Variants in ASB2 observed in about 807,000 individuals in gnomAD.
The protein encoded by ASB2 is ankyrin repeat and SOCS box protein 2.
A neutral mutation model predicts 62.4 loss-of-function variants in ASB2; 58 were observed. That is an observed-to-expected ratio of 0.93 (90% CI 0.75 to 1.16). ASB2 has a LOEUF of 1.16. Among genes scored for constraint, ASB2 ranks in the 50% most tolerant of loss-of-function variants. The pLI is 0.00. For missense variants in ASB2, 928 were observed against 887.9 expected (o/e 1.05, Z -0.57); for synonymous variants, 386 against 385.3 (o/e 1.00, Z -0.02).
At chr14:93,963,580 C>T (rs77406343) in intron 2 of ASB2, among the ~76,000 whole-genome samples, 2,003 of 152,244 alleles carry the variant, frequency 0.013, 44 homozygotes, top group African/African-American at 0.046. Flanking sequence ...GCGCTTGAAA[C>T]GTGGCCAGTC....
chr14:93,956,638 T>A, intron 3 of ASB2, 128 bp downstream of exon 3: 1 of 1,273,724 alleles, frequency 7.9e-7, no homozygotes, highest in South Asian at 1.3e-5. Context: ...AGAAGGAGCG[T>A]GCCTGGCAGG....
intron 3 of ASB2, chr14:93,955,410 G>A (rs917318382): frequency 3.0e-6 from 1 of 330,284 alleles, no homozygotes; most frequent in Non-Finnish European, 6.0e-6. Context: ...ACCCAGCAAG[G>A]ACGATGGGAA....
Position 93,939,504 on chromosome 14 carries a change from G to C in ASB2, c.1221C>G (p.Tyr407Ter), listed in dbSNP as rs1388390108. 9 of 1,608,644 alleles carry C rather than the reference G, an allele frequency of 5.6e-6. No homozygotes were observed. The highest frequency in any genetic ancestry group is 7.6e-6 in the Non-Finnish European group (9 of 1,177,738). Reference sequence around the variant, plus strand: ...ACAGCGCGGAGCTGCGCCGGTCTTCGTAGAGGCGCGCGCGCTCGGGGGCCA... The same window carrying C: ...ACAGCGCGGAGCTGCGCCGGTCTTCCTAGAGGCGCGCGCGCTCGGGGGCCA... ...TPLAPERARL[Y>*]EDRRSSALYF... The change falls in exon 8 of 10, where the codon TAC becomes TAG. Residue 407 changes from tyrosine (Y) to a stop codon, truncating the protein, a stop_gained. Transcript: ENST00000555019. LOFTEE classifies it high-confidence loss of function.
At position 93,939,409 on chromosome 14, in the gene ASB2, C is replaced by T. The variant is rs1888414997; in HGVS notation, c.1316G>A (p.Arg439His). The T allele has an allele frequency of 6.2e-7, 1 of 1,612,856 alleles. No homozygotes were observed. Among genetic ancestry groups the T allele is most frequent in the South Asian group, 1.1e-5 (1 of 91,068 alleles). ...LLLQHGADPN[R>H]DVISPLLVAI... ...CACGAGCAAGGGGCTGATGACGTCG[C>T]GGTTGGGGTCGGCGCCGTGTTGCAG... Residue 439 changes from arginine to histidine, a missense_variant, in exon 8 of 10, where the codon CGC becomes CAC. Arg to His is a conservative substitution (Grantham distance 29). Transcript: ENST00000555019.
chr14:93,934,934 C>G (rs1888220594), intron 9 of ASB2, 142 bp from the exon 10 acceptor site: 10 of 672,320 alleles, frequency 1.5e-5, no homozygotes, highest in Non-Finnish European at 2.4e-5. Flanking sequence ...TCACCCCAGT[C>G]CCTGCCAACT....
At chr14:93,958,326 G>C (rs1010410599) in intron 2 of ASB2, among the ~76,000 whole-genome samples, 5 of 152,200 alleles carry the variant, frequency 3.3e-5, no homozygotes, top group Non-Finnish European at 7.4e-5. Context: ...TGTGAGAGGG[G>C]ACTTAACTGT....
At chr14:93,970,326 C>G (rs1394677482) in intron 1 of ASB2, among the ~76,000 whole-genome samples, 1 of 152,192 alleles carries the variant, frequency 6.6e-6, no homozygotes, top group African/African-American at 2.4e-5. Flanking sequence ...TGAGGCTGCA[C>G]AAGCCACTTA....
rs747725471 is a variant in ASB2 at position 93,939,509 on chromosome 14, G to GGC, written c.1214_1215dup (p.Leu406AlafsTer82). 6.0e-5 allele frequency: 96 copies of GGC among 1,607,956 alleles called. No individual in the cohort carries two copies. The highest frequency in any genetic ancestry group is 7.6e-5 in the Non-Finnish European group (90 of 1,177,456). On this transcript the variant is annotated frameshift_variant, in exon 8 of 10. Coordinates refer to ENST00000555019, the MANE Select transcript of ASB2 (RefSeq NM_001202429.2). LOFTEE classifies it high-confidence loss of function. Reference sequence around the variant, plus strand: ...GCGGAGCTGCGCCGGTCTTCGTAGAGGCGCGCGCGCTCGGGGGCCAGCGGC... The same window carrying GGC: ...GCGGAGCTGCGCCGGTCTTCGTAGAGGCGCGCGCGCGCTCGGGGGCCAGCGGC...
intron 1 of ASB2, among the ~76,000 whole-genome samples, chr14:93,968,732 T>G (rs1163148746): frequency 2.0e-5 from 3 of 152,204 alleles, no homozygotes; most frequent in Non-Finnish European, 4.4e-5. Flanking sequence ...GTCTACTCCT[T>G]GGACTACCTG....
At chr14:93,963,520 C>T (rs922564454) in intron 2 of ASB2, among the ~76,000 whole-genome samples, 2 of 152,192 alleles carry the variant, frequency 1.3e-5, no homozygotes, top group African/African-American at 4.8e-5. Flanking sequence ...GAGGTGTCGT[C>T]TAGATCTGCA....
chr14:93,955,452 G>A, intron 3 of ASB2: 1 of 228,960 alleles, frequency 4.4e-6, no homozygotes, highest in East Asian at 9.9e-5. Flanking sequence ...GTCCCCATCA[G>A]CACCGTCACT....
At chr14:93,975,805 G>A (rs1260944188) in intron 1 of ASB2, among the ~76,000 whole-genome samples, 1 of 152,214 alleles carries the variant, frequency 6.6e-6, no homozygotes, top group Non-Finnish European at 1.5e-5. Context: ...TCCTTTCAAA[G>A]GCCATGGCCT....
chr14:93,934,898 G>T, intron 9 of ASB2, 106 bp from the exon 10 acceptor site: 1 of 921,406 alleles, frequency 1.1e-6, no homozygotes, highest in Non-Finnish European at 1.7e-6. Flanking sequence ...ATGTGGCTGG[G>T]TAAGAGAGGG....
intron 2 of ASB2, 57 bp from the exon 3 acceptor site, chr14:93,956,927 G>A: frequency 6.2e-7 from 1 of 1,607,526 alleles, no homozygotes; most frequent in South Asian, 1.1e-5. Context: ...AGGAGAAGCG[G>A]GTCATGGCTT....
chr14:93,970,850 T>A (rs1402545783), intron 1 of ASB2, among the ~76,000 whole-genome samples: 2 of 152,212 alleles, frequency 1.3e-5, no homozygotes, highest in Non-Finnish European at 2.9e-5. Context: ...ATTAATGGCA[T>A]CCTGCCTGTG....
At chr14:93,963,389 G>T (rs907958994) in intron 2 of ASB2, among the ~76,000 whole-genome samples, 2 of 151,670 alleles carry the variant, frequency 1.3e-5, no homozygotes, top group Non-Finnish European at 2.9e-5. Context: ...CTTGACCTTG[G>T]CTGGGGACGG....
intron 1 of ASB2, among the ~76,000 whole-genome samples, chr14:93,964,817 C>T (rs1889535471): frequency 6.6e-6 from 1 of 151,914 alleles, no homozygotes; most frequent in South Asian, 2.1e-4. Flanking sequence ...CAGCCCATCT[C>T]ACCATCCATC....
chr14:93,938,277 G>A (rs1399732315), intron 8 of ASB2, among the ~76,000 whole-genome samples: 1 of 111,284 alleles, frequency 9.0e-6, no homozygotes, highest in Non-Finnish European at 1.7e-5. Context: ...GTCTCGCTCT[G>A]TGCCCAGGCT....
chr14:93,952,906 A>G (rs1189790694), intron 5 of ASB2, among the ~76,000 whole-genome samples: 1 of 152,260 alleles, frequency 6.6e-6, no homozygotes, highest in Non-Finnish European at 1.5e-5. Context: ...TTTCTTAAAC[A>G]AATGTCCCAG....
Sources: allele counts gnomAD v4.1 joint callset (sites outside exome capture counted in the v4.1 genomes callset), GRCh38; gene constraint gnomAD v4.1.1; transcripts MANE v1.5; gene names NCBI Gene and HGNC (gene_info 2026-07-23, HGNC 2026-07-21).